The following TENM3 variants were observed in gnomAD, a reference collection of about 807,000 sequenced individuals.
The protein encoded by TENM3 is teneurin transmembrane protein 3.
In TENM3, 63 loss-of-function variants were observed where a neutral mutation model predicts 255.1. The ratio of observed to expected loss-of-function variants is 0.25; its 90% CI spans 0.20 to 0.30. The LOEUF is 0.30. TENM3 is among the 10% of genes least tolerant of loss of function. The pLI is 1.00. For missense variants in TENM3, 2,929 were observed against 3,461.1 expected, an observed-to-expected ratio of 0.85 and a Z score of 3.86; for synonymous variants, 1,306 against 1,322.3, an observed-to-expected ratio of 0.99 and a Z score of 0.27.
chr4:182,332,756 T>G (rs1202930735), intron 2 of TENM3, among the ~76,000 whole-genome samples: 1 of 142,604 alleles, frequency 7.0e-6, no homozygotes, highest in Non-Finnish European at 1.5e-5. Context: ...GTCTGGAAAA[T>G]AAATCAGAGG....
chr4:181,893,271 G>A, the TENM3 span, among the ~76,000 whole-genome samples: 1 of 152,012 alleles, frequency 6.6e-6, no homozygotes, highest in Non-Finnish European at 1.5e-5. Flanking sequence ...GTAACTCCAG[G>A]CAAAAATACA....
Position 182,730,986 on chromosome 4 carries a change from G to C in TENM3, c.2814G>C (p.Val938=). 6.2e-7 allele frequency: 1 copy of C among 1,613,868 alleles called. No individual in the cohort carries two copies. The highest frequency in any genetic ancestry group is 1.1e-5 in the South Asian group (1 of 91,064). ...GGATTCCATGGAATGTCTTTTATGT[G>C]ATGGATACCCTAGTCATGAAGAAAG... ...TVWIPWNVFY[V]MDTLVMKKEE... The change falls in exon 16 of 28, where the codon GTG becomes GTC. Residue 938 remains valine (V), a synonymous_variant. Transcript: ENST00000511685.
chr4:181,517,422 G>A, the TENM3 span, among the ~76,000 whole-genome samples: 1 of 152,208 alleles, frequency 6.6e-6, no homozygotes, highest in African/African-American at 2.4e-5. Context: ...TGGGGACAGA[G>A]AAATTGTGTT....
upstream of TENM3, among the ~76,000 whole-genome samples, chr4:182,140,237 G>A (rs1749296982): frequency 6.6e-6 from 1 of 152,158 alleles, no homozygotes; most frequent in African/African-American, 2.4e-5. Flanking sequence ...AACACCTCAG[G>A]TGCCTAGAAT....
the TENM3 span, among the ~76,000 whole-genome samples, chr4:182,122,406 T>C: frequency 6.6e-6 from 1 of 152,216 alleles, no homozygotes; most frequent in African/African-American, 2.4e-5. Flanking sequence ...ATTTCTTAAA[T>C]AATAAGACTT....
chr4:182,438,485 C>T (rs1772213700), intron 3 of TENM3, among the ~76,000 whole-genome samples: 1 of 152,130 alleles, frequency 6.6e-6, no homozygotes, highest in Non-Finnish European at 1.5e-5. Context: ...TAATTTAAGG[C>T]CTTTCTCACT....
At chr4:181,811,002 A>G in the TENM3 span, among the ~76,000 whole-genome samples, 4 of 152,100 alleles carry the variant, frequency 2.6e-5, no homozygotes, top group Non-Finnish European at 5.9e-5. Flanking sequence ...AATGTGTCCA[A>G]ATTTGGATGA....
At chr4:182,293,519 C>G (rs954031911) in intron 1 of TENM3, among the ~76,000 whole-genome samples, 2 of 152,052 alleles carry the variant, frequency 1.3e-5, no homozygotes, top group African/African-American at 4.8e-5. Flanking sequence ...TCAAAGTTGG[C>G]GAGACCTAAT....
chr4:182,369,108 C>T (rs1312915397), intron 3 of TENM3, among the ~76,000 whole-genome samples: 1 of 152,152 alleles, frequency 6.6e-6, no homozygotes, highest in East Asian at 1.9e-4. Context: ...ATGATAATTG[C>T]TAAGGATTTT....
At chr4:182,320,689 G>A (rs577748004) in intron 1 of TENM3, among the ~76,000 whole-genome samples, 2 of 152,300 alleles carry the variant, frequency 1.3e-5, no homozygotes, top group Admixed American at 1.3e-4. Context: ...CTTTTGGGGA[G>A]ACACAATTCA....
chr4:181,825,227 C>T, the TENM3 span, among the ~76,000 whole-genome samples: 1 of 151,728 alleles, frequency 6.6e-6, no homozygotes, highest in African/African-American at 2.4e-5. Flanking sequence ...ATGGTGAAAC[C>T]CCATCTCTAC....
the TENM3 span, among the ~76,000 whole-genome samples, chr4:181,547,179 A>G: frequency 6.6e-6 from 1 of 152,248 alleles, no homozygotes; most frequent in Non-Finnish European, 1.5e-5. Flanking sequence ...GAGAAAAAGT[A>G]CAGAAAGCAG....
At position 182,314,216 on chromosome 4, in the gene TENM3, G is replaced by A. The variant is rs181674790; in HGVS notation, c.-75-9730G>A. On this transcript the variant is annotated intron_variant, in intron 1 of 27. Coordinates refer to ENST00000511685, the MANE Select transcript of TENM3 (RefSeq NM_001080477.4). ...CTCGGGAGGCTGAGGCAGGAGAATG[G>A]CGTGAACCTGGGAGGCGGAGCTTGC... Among the ~76,000 whole-genome samples the A allele has an allele frequency of 6.6e-3, 997 of 152,168 alleles. 10 individuals are homozygous for A. Among genetic ancestry groups the A allele is most frequent in the African/African-American group, 0.023 (946 of 41,532 alleles).
chr4:182,011,706 T>C, the TENM3 span, among the ~76,000 whole-genome samples: 1 of 152,198 alleles, frequency 6.6e-6, no homozygotes, highest in South Asian at 2.1e-4. Context: ...AAGGGTCGAA[T>C]ACTATTTCCA....
At chr4:181,975,588 C>T in the TENM3 span, 1 of 152,226 alleles carries the variant, frequency 6.6e-6, no homozygotes, top group East Asian at 2.0e-4. Flanking sequence ...AAGAGCACCA[C>T]TCTGGCTACC....
chr4:181,759,259 G>T, the TENM3 span, among the ~76,000 whole-genome samples: 1 of 152,056 alleles, frequency 6.6e-6, no homozygotes, highest in African/African-American at 2.4e-5. Context: ...GTGTGAGAAT[G>T]AAATGAAATT....
the TENM3 span, among the ~76,000 whole-genome samples, chr4:181,468,451 A>G: frequency 6.6e-6 from 1 of 152,222 alleles, no homozygotes; most frequent in Admixed American, 6.5e-5. Flanking sequence ...GGACAAATGT[A>G]GAGCAATTTC....
intron 1 of TENM3, among the ~76,000 whole-genome samples, chr4:182,163,792 C>T (rs957044414): frequency 6.6e-6 from 1 of 152,116 alleles, no homozygotes; most frequent in Non-Finnish European, 1.5e-5. Flanking sequence ...ATTTCCTTTG[C>T]TCTGTGACAT....
chr4:182,220,825 T>G (rs547852367), intron 1 of TENM3, among the ~76,000 whole-genome samples: 2 of 152,344 alleles, frequency 1.3e-5, no homozygotes, highest in East Asian at 1.9e-4. Context: ...TAATTAATCC[T>G]GTGTAATATT....
Sources: gnomAD v4.1 joint callset for allele counts (sites outside exome capture counted in the v4.1 genomes callset) on GRCh38, gnomAD v4.1.1 for gene constraint, MANE v1.5 for transcripts, NCBI Gene and HGNC (gene_info 2026-07-23, HGNC 2026-07-21) for gene names.